Variants in MYH9 observed in about 807,000 individuals in gnomAD.
MYH9 encodes the protein myosin heavy chain 9.
A neutral mutation model predicts 241.9 loss-of-function variants in MYH9; 29 were observed. The ratio of observed to expected loss-of-function variants is 0.12; its 90% CI spans 0.09 to 0.16. MYH9 has a LOEUF of 0.16. Among genes scored for constraint, MYH9 ranks in the 10% least tolerant of loss-of-function variants. The pLI is 1.00. For missense variants in MYH9, 1,803 were observed against 2,595.5 expected, an observed-to-expected ratio of 0.69 and a Z score of 6.63; for synonymous variants, 1,047 against 1,062.6, an observed-to-expected ratio of 0.99 and a Z score of 0.29.
intron 11 of MYH9, among the ~76,000 whole-genome samples, chr22:36,317,838 G>A (rs1436106608): frequency 6.6e-6 from 1 of 152,258 alleles, no homozygotes; most frequent in Non-Finnish European, 1.5e-5. Context: ...AGGATGGCGG[G>A]AGCCGCCACC....
intron 3 of MYH9, among the ~76,000 whole-genome samples, chr22:36,327,882 G>C (rs1302571960): frequency 6.6e-6 from 1 of 152,198 alleles, no homozygotes; most frequent in African/African-American, 2.4e-5. Context: ...GAAGCCTGCT[G>C]CAGGTGCTCT....
chr22:36,327,051 G>C (rs1314496279), intron 4 of MYH9, among the ~76,000 whole-genome samples: 1 of 152,200 alleles, frequency 6.6e-6, no homozygotes, highest in Admixed American at 6.5e-5. Context: ...GGGGTTTATG[G>C]ATCTCCTTGT....
At chr22:36,371,078 C>T (rs2018083556) in intron 1 of MYH9, among the ~76,000 whole-genome samples, 1 of 152,184 alleles carries the variant, frequency 6.6e-6, no homozygotes, top group South Asian at 2.1e-4. Context: ...AAGGCATCCA[C>T]AGAATGTCCC....
At chr22:36,348,791 T>C (rs1158623457) in intron 2 of MYH9, 113 bp downstream of exon 2, 1 of 1,043,348 alleles carries the variant, frequency 9.6e-7, no homozygotes, top group Non-Finnish European at 1.5e-6. Flanking sequence ...CAAGCCCCCT[T>C]CTCAACCAGA....
At position 36,294,963 on chromosome 22, in the gene MYH9, T is replaced by A. The variant is rs1438334482; in HGVS notation, c.3599A>T (p.Glu1200Val). Reference protein sequence around the residue: ...MRQKHSQAVEELAEQLEQTKR... With the variant: ...MRQKHSQAVEVLAEQLEQTKR... ...CGTCTGCTCCAGCTGCTCCGCCAGC[T>A]CCTCCACGGCCTGTGAGTGCTTCTG... Residue 1200 changes from glutamate (E) to valine (V), a missense_variant, in exon 27 of 41, where the codon GAG (glutamate) becomes GTG (valine). By Grantham distance (121) the Glu-to-Val change is moderately radical (BLOSUM62 -2). Transcript: ENST00000216181. The A allele has an allele frequency of 4.3e-6, 7 of 1,613,968 alleles. No homozygotes were observed. In the East Asian group the frequency reaches 1.3e-4, roughly 31 times the overall value.
rs1385709606 is a variant in MYH9 at position 36,282,772 on chromosome 22, G to A, written c.5779C>T (p.Pro1927Ser). Residue 1927 changes from proline to serine, a missense_variant, in exon 41 of 41, where the codon CCG becomes TCG. Physicochemically the swap from Pro to Ser is moderately conservative, Grantham distance 74. Transcript: ENST00000216181. ...LKNKLRRGDL[P>S]FVVPRRMARK... ...GCCATTCGGCGGGGCACGACAAACGGCAGGTCCCCGCGCCTGGGGGCAGAG... is the reference window on the plus strand; with the variant it reads ...GCCATTCGGCGGGGCACGACAAACGACAGGTCCCCGCGCCTGGGGGCAGAG... 1 of 1,610,988 alleles carries A rather than the reference G, an allele frequency of 6.2e-7. No individual in the cohort carries two copies. The highest frequency in any genetic ancestry group is 1.7e-5 in the Admixed American group (1 of 59,994).
intron 1 of MYH9, among the ~76,000 whole-genome samples, chr22:36,367,493 G>C (rs868621485): frequency 6.6e-6 from 1 of 152,166 alleles, no homozygotes; most frequent in African/African-American, 2.4e-5. Flanking sequence ...TGCATTCCCC[G>C]GGGGAAATGA....
rs58168942 is a variant in MYH9 at position 36,286,688 on chromosome 22, G to A, written c.5061+30C>T. 16,763 of 1,609,368 alleles carry A rather than the reference G, an allele frequency of 0.01. 1,694 individuals are homozygous for A. The African/African-American group carries it at 0.2, about 20-fold the overall frequency. On this transcript the variant is annotated intron_variant, in intron 35 of 40. Coordinates refer to ENST00000216181, the MANE Select transcript of MYH9 (RefSeq NM_002473.6). ...TGCCACCTGCTGGCCGCAGGGCAGC[G>A]GTGCCGCTCTCCATTGCAGCCCCAC...
At chr22:36,284,059 C>A in intron 40 of MYH9, 34 bp downstream of exon 40, 2 of 1,518,758 alleles carry the variant, frequency 1.3e-6, no homozygotes, top group Non-Finnish European at 1.8e-6. Flanking sequence ...AGAGAAGTGC[C>A]GAGGCAAAGG....
At chr22:36,331,166 A>C (rs949069210) in intron 3 of MYH9, among the ~76,000 whole-genome samples, 2 of 152,002 alleles carry the variant, frequency 1.3e-5, no homozygotes, top group Non-Finnish European at 2.9e-5. Flanking sequence ...TTCCCCACGC[A>C]ATGCCTGGCC....
At chr22:36,360,332 G>A (rs978329302) in intron 1 of MYH9, among the ~76,000 whole-genome samples, 21 of 152,068 alleles carry the variant, frequency 1.4e-4, no homozygotes, top group South Asian at 2.1e-4. Flanking sequence ...TTTCGTGGCC[G>A]AGTAAGGATG....
chr22:36,376,647 GC>G (rs1291200304), intron 1 of MYH9, among the ~76,000 whole-genome samples: 1 of 152,034 alleles, frequency 6.6e-6, no homozygotes, highest in African/African-American at 2.4e-5. Flanking sequence ...ACTTGAAAAT[GC>G]CCCCCTACCA....
Position 36,293,567 on chromosome 22 carries a change from G to T in MYH9, c.3943-86C>A. ...CCCACACCCTTGAGGAGAGGGAGGA[G>T]CTGGTCCTGCTGATTTAGGGGATGG... On this transcript the variant is annotated intron_variant, in intron 29 of 40. Coordinates refer to ENST00000216181, the MANE Select transcript of MYH9 (RefSeq NM_002473.6). The surrounding 1 kb of genome is among the most constrained non-coding windows in gnomAD (Gnocchi z 5.1). 6.4e-7 allele frequency: 1 copy of T among 1,565,244 alleles called. No homozygotes were observed. Among genetic ancestry groups the T allele is most frequent in the South Asian group, 1.1e-5 (1 of 90,000 alleles).
At chr22:36,316,425 G>A in intron 12 of MYH9, 92 bp downstream of exon 12, 1 of 1,584,148 alleles carries the variant, frequency 6.3e-7, no homozygotes, top group Non-Finnish European at 8.7e-7. Flanking sequence ...TCAGATCGAT[G>A]CAGGACCATG....
chr22:36,312,619 G>A (rs1471104027), intron 13 of MYH9, among the ~76,000 whole-genome samples: 2 of 152,156 alleles, frequency 1.3e-5, no homozygotes, highest in East Asian at 3.9e-4. Context: ...GCGTCTGCAT[G>A]TCTATGATGA....
At chr22:36,318,179 C>T (rs1320259978) in intron 11 of MYH9, 28 bp downstream of exon 11, 2 of 1,598,692 alleles carry the variant, frequency 1.3e-6, no homozygotes. Context: ...CAGGAGGCAG[C>T]CAGCTGCCCT....
At position 36,349,072 on chromosome 22, in the gene MYH9, G is replaced by A. The variant is rs141948797; in HGVS notation, c.165C>T (p.Ile55=). ...SLKEEVGEEA[I]VELVENGKKV... is the part of the protein sequence containing the mutation. ...TCTTCCCATTCTCCACCAGCTCCAC[G>A]ATGGCCTCTTCGCCCACCTCCTCCT... The change falls in exon 2 of 41, where the codon ATC becomes ATT. Residue 55 remains isoleucine, a synonymous_variant. Coordinates refer to ENST00000216181, the MANE Select transcript of MYH9 (RefSeq NM_002473.6). The A allele has an allele frequency of 3.2e-4, 510 of 1,614,162 alleles. 1 individual carries two copies. The African/African-American group carries it at 6.3e-3, about 20-fold the overall frequency.
At chr22:36,311,113 G>A (rs111470354) in intron 14 of MYH9, among the ~76,000 whole-genome samples, 78 of 152,314 alleles carry the variant, frequency 5.1e-4, no homozygotes, top group African/African-American at 1.5e-3. Context: ...CACCAACAAG[G>A]AGATGGCGCA....
rs1603484792 is a variant in MYH9 at position 36,384,114 on chromosome 22, T to C, written c.-20+3693A>G. The stretch of plus-strand genomic sequence containing the variant: ...GGCAAAATCCCATCTCTACTAAAAA[T>C]ACAAAAATTAGCCAAGTATGGTGGC... On this transcript the variant is annotated intron_variant, in intron 1 of 40. Transcript: ENST00000216181. Among the ~76,000 whole-genome samples the C allele has an allele frequency of 7.7e-5, 11 of 142,614 alleles. No homozygotes were observed. The South Asian group carries it at 2.5e-3, about 32-fold the overall frequency. The allele number at this position is 142,614 out of a possible 152,430, so 93.6% of individuals were successfully genotyped here.
Sources: allele counts gnomAD v4.1 joint callset (sites outside exome capture counted in the v4.1 genomes callset), GRCh38; gene constraint gnomAD v4.1.1; non-coding constraint Gnocchi (gnomAD v3.1); transcripts MANE v1.5; gene names NCBI Gene and HGNC (gene_info 2026-07-23, HGNC 2026-07-21).